The following ATRNL1 variants were observed in gnomAD, a reference collection of about 807,000 sequenced individuals.
ATRNL1 encodes the protein attractin-like protein 1.
ATRNL1 carries 95 observed loss-of-function variants against 182.7 expected under a neutral mutation model. The observed-to-expected ratio is 0.52, with a 90% CI of 0.44 to 0.62. ATRNL1 has a LOEUF of 0.62. Among genes scored for constraint, ATRNL1 ranks in the 20% least tolerant of loss-of-function variants. ATRNL1 has a pLI of 0.00. For missense variants in ATRNL1, 1,471 were observed against 1,679.5 expected, an observed-to-expected ratio of 0.88 and a Z score of 2.17; for synonymous variants, 576 against 568.3, an observed-to-expected ratio of 1.01 and a Z score of -0.19.
At chr10:115,641,260 A>G (rs572607848) in intron 26 of ATRNL1, among the ~76,000 whole-genome samples, 1 of 152,222 alleles carries the variant, frequency 6.6e-6, no homozygotes, top group South Asian at 2.1e-4. Context: ...TGGAATAATT[A>G]TAGCTTCCTT....
At chr10:115,175,590 G>T (rs1396626218) in intron 8 of ATRNL1, among the ~76,000 whole-genome samples, 1 of 151,872 alleles carries the variant, frequency 6.6e-6, no homozygotes, top group East Asian at 1.9e-4. Flanking sequence ...AGATGAAAAT[G>T]GGAAGAATAC....
intron 28 of ATRNL1, among the ~76,000 whole-genome samples, chr10:115,883,119 A>G (rs1951864463): frequency 6.6e-6 from 1 of 152,184 alleles, no homozygotes; most frequent in South Asian, 2.1e-4. Flanking sequence ...CTTTGCGCAG[A>G]TGGTAGGAGT....
chr10:115,667,768 T>A (rs1861087377), intron 26 of ATRNL1, among the ~76,000 whole-genome samples: 1 of 151,946 alleles, frequency 6.6e-6, no homozygotes. Flanking sequence ...GTGATCCTCC[T>A]ACCTTAGCCT....
intron 8 of ATRNL1, among the ~76,000 whole-genome samples, chr10:115,182,705 A>T (rs1429494174): frequency 6.6e-6 from 1 of 151,474 alleles, no homozygotes; most frequent in Non-Finnish European, 1.5e-5. Context: ...GAATATCAAA[A>T]CATTATACAA....
intron 27 of ATRNL1, among the ~76,000 whole-genome samples, chr10:115,841,260 C>T (rs955874119): frequency 6.6e-6 from 1 of 152,048 alleles, no homozygotes; most frequent in Non-Finnish European, 1.5e-5. Context: ...GGTGATAAAA[C>T]TGAAGCTGTC....
At chr10:115,294,112 T>A (rs1242118441) in intron 15 of ATRNL1, among the ~76,000 whole-genome samples, 1 of 152,230 alleles carries the variant, frequency 6.6e-6, no homozygotes, top group Non-Finnish European at 1.5e-5. Context: ...CACTAAATGT[T>A]TCTTGTAAAT....
At chr10:115,535,866 A>C (rs1851956023) in intron 25 of ATRNL1, among the ~76,000 whole-genome samples, 1 of 151,214 alleles carries the variant, frequency 6.6e-6, no homozygotes, top group Non-Finnish European at 1.5e-5. Flanking sequence ...AGTTTGCTAG[A>C]GGTCCACTCC....
chr10:115,921,383 G>A (rs1243173765), intron 28 of ATRNL1, among the ~76,000 whole-genome samples: 1 of 152,084 alleles, frequency 6.6e-6, no homozygotes, highest in Admixed American at 6.6e-5. Context: ...GGATAAAAAA[G>A]CAATATGTAC....
intron 26 of ATRNL1, among the ~76,000 whole-genome samples, chr10:115,693,807 T>C (rs1946468241): frequency 6.6e-6 from 1 of 152,086 alleles, no homozygotes; most frequent in Admixed American, 6.5e-5. Context: ...AGATAAAAAT[T>C]GGGCACACAT....
rs546841703 is a variant in ATRNL1 at position 115,534,785 on chromosome 10, C to G, written c.3717-14673C>G. Among the ~76,000 whole-genome samples the G allele has an allele frequency of 3.3e-5, 5 of 150,716 alleles. No individual in the cohort carries two copies. The East Asian group carries it at 9.9e-4, about 30-fold the overall frequency. ...ATGTTTAGTGCTTCCTTCAGGAGCT[C>G]TTTTAGGGCAGGCCTGGTGGTGACA... On this transcript the variant is annotated intron_variant, in intron 25 of 28. Transcript: ENST00000355044.
chr10:115,202,799 A>G (rs1848638321), intron 8 of ATRNL1, among the ~76,000 whole-genome samples: 1 of 147,122 alleles, frequency 6.8e-6, no homozygotes, highest in South Asian at 2.3e-4. Flanking sequence ...ATAGTTTCAG[A>G]AGGAATGGTA....
chr10:115,199,300 A>C (rs148443580), intron 8 of ATRNL1, among the ~76,000 whole-genome samples: 305 of 152,068 alleles, frequency 2.0e-3, no homozygotes, highest in African/African-American at 7.2e-3. Flanking sequence ...GGCTGGGTGC[A>C]GTGGCTCCTG....
At chr10:115,654,458 A>G (rs1392934504) in intron 26 of ATRNL1, among the ~76,000 whole-genome samples, 2 of 152,004 alleles carry the variant, frequency 1.3e-5, no homozygotes, top group African/African-American at 4.8e-5. Context: ...ACCTCAGGTG[A>G]TCCGCCCGCC....
intron 26 of ATRNL1, among the ~76,000 whole-genome samples, chr10:115,597,095 G>A (rs2133932457): frequency 6.6e-6 from 1 of 152,114 alleles, no homozygotes; most frequent in African/African-American, 2.4e-5. Context: ...AAATAGTCTA[G>A]TAAAACATTT....
chr10:115,446,639 T>G (rs1229840628), intron 21 of ATRNL1, among the ~76,000 whole-genome samples: 9 of 152,022 alleles, frequency 5.9e-5, no homozygotes, highest in Non-Finnish European at 7.4e-5. Flanking sequence ...CAAAAATGTT[T>G]ACTACTTTTC....
intron 28 of ATRNL1, among the ~76,000 whole-genome samples, chr10:115,910,503 T>C (rs1349050063): frequency 6.6e-6 from 1 of 152,086 alleles, no homozygotes; most frequent in Non-Finnish European, 1.5e-5. Flanking sequence ...TACATGCTCA[T>C]CAGGCAGTCC....
At chr10:115,182,666 T>G (rs1227390497) in intron 8 of ATRNL1, among the ~76,000 whole-genome samples, 1 of 151,524 alleles carries the variant, frequency 6.6e-6, no homozygotes, top group Non-Finnish European at 1.5e-5. Context: ...GAGAAAGATT[T>G]CATAGGTGAA....
At position 115,583,524 on chromosome 10, in the gene ATRNL1, A is replaced by C. The variant is rs1365935281; in HGVS notation, c.3795+33988A>C. Among the ~76,000 whole-genome samples, 3 of 112,406 alleles carry C rather than the reference A, an allele frequency of 2.7e-5. 1 individual carries two copies. The highest frequency in any genetic ancestry group is 5.9e-5 in the Non-Finnish European group (3 of 50,480). The allele number at this position is 112,406 out of a possible 152,430, so 73.7% of individuals were successfully genotyped here. ...TCTCTTTGAAGCAATTGTGAATGGG[A>C]GTTCACTCATGATTTGGCTTTCTGT... On this transcript the variant is annotated intron_variant, in intron 26 of 28. Coordinates refer to ENST00000355044, the MANE Select transcript of ATRNL1 (RefSeq NM_207303.4).
intron 20 of ATRNL1, among the ~76,000 whole-genome samples, chr10:115,396,876 C>T (rs1844315004): frequency 6.6e-6 from 1 of 151,742 alleles, no homozygotes; most frequent in African/African-American, 2.4e-5. Flanking sequence ...TAAGATTTGG[C>T]ATATGTGCAA....
Sources: allele counts gnomAD v4.1 joint callset (sites outside exome capture counted in the v4.1 genomes callset), GRCh38; gene constraint gnomAD v4.1.1; transcripts MANE v1.5; gene names NCBI Gene and HGNC (gene_info 2026-07-23, HGNC 2026-07-21).